GALNTL6: variants seen among roughly 807,000 people sequenced by gnomAD.
The protein encoded by GALNTL6 is polypeptide N-acetylgalactosaminyltransferase like 6, also known as polypeptide N-acetylgalactosaminyltransferase-like 6.
Under a neutral mutation model 73.7 loss-of-function variants are expected in GALNTL6, and 46 were observed. The ratio of observed to expected loss-of-function variants is 0.62; its 90% CI spans 0.49 to 0.80. The LOEUF (loss-of-function observed/expected upper bound fraction) is 0.80, where lower values mean the gene tolerates loss of function less well. GALNTL6 is among the 30% of genes least tolerant of loss of function. The pLI is 0.00. For synonymous variants in GALNTL6, 259 were observed against 263.7 expected (o/e 0.98, Z 0.17); for missense variants, 604 against 755.0 (o/e 0.80, Z 2.34).
intron 5 of GALNTL6, among the ~76,000 whole-genome samples, chr4:172,570,147 A>G (rs1258213848): frequency 6.6e-6 from 1 of 152,160 alleles, no homozygotes; most frequent in African/African-American, 2.4e-5. Context: ...ATCTTGGACA[A>G]GCTCCATGTT....
chr4:172,613,008 A>G lies in GALNTL6; in HGVS notation c.554-196353A>G, dbSNP rs550071721. Among the ~76,000 whole-genome samples the G allele has an allele frequency of 1.8e-4, 27 of 152,176 alleles. 1 individual carries two copies. In the South Asian group the frequency reaches 5.6e-3, roughly 32 times the overall value. ...TTACCCCTCTCCCTGCAGTCACTGA[A>G]TGTGCTCCAACCCTACCTAGAATAC... On this transcript the variant is annotated intron_variant, in intron 5 of 12. Transcript: ENST00000506823.
At chr4:171,832,619 AAT>A (rs1416844861) in intron 2 of GALNTL6, among the ~76,000 whole-genome samples, 2 of 151,718 alleles carry the variant, frequency 1.3e-5, no homozygotes, top group African/African-American at 4.8e-5. Flanking sequence ...TATAAAATAA[AAT>A]AAACTTATCA....
chr4:171,913,168 A>C (rs900263798), intron 2 of GALNTL6, among the ~76,000 whole-genome samples: 25 of 152,208 alleles, frequency 1.6e-4, no homozygotes, highest in African/African-American at 5.5e-4. Context: ...GAAGTAAAGT[A>C]GCTGTTGGGG....
intron 2 of GALNTL6, among the ~76,000 whole-genome samples, chr4:172,099,782 G>A (rs1370153135): frequency 1.3e-5 from 2 of 152,088 alleles, no homozygotes; most frequent in African/African-American, 4.8e-5. Flanking sequence ...CAGTTACGTT[G>A]GTTAGAACAC....
chr4:172,260,206 A>G (rs1738211261), intron 3 of GALNTL6, among the ~76,000 whole-genome samples: 1 of 151,800 alleles, frequency 6.6e-6, no homozygotes. Context: ...TTTTCACAAT[A>G]TTGATTCTAT....
intron 5 of GALNTL6, among the ~76,000 whole-genome samples, chr4:172,673,462 AG>A (rs992237658): frequency 8.5e-5 from 13 of 152,124 alleles, no homozygotes; most frequent in Non-Finnish European, 1.3e-4. Flanking sequence ...GGGGGGATGG[AG>A]AGTTCTGTAG....
At chr4:172,868,755 T>C (rs2111157810) in intron 7 of GALNTL6, among the ~76,000 whole-genome samples, 1 of 152,344 alleles carries the variant, frequency 6.6e-6, no homozygotes, top group Admixed American at 6.5e-5. Flanking sequence ...CTGTACTTCA[T>C]CACTGGTCTA....
chr4:172,770,265 C>CAATAAATAAATAAATAAATA (rs146415769), intron 5 of GALNTL6, among the ~76,000 whole-genome samples: 5 of 141,292 alleles, frequency 3.5e-5, no homozygotes, highest in East Asian at 2.1e-4. Context: ...GACTCCATCT[C>CAATAAATAAATAAATAAATA]AATAAATAAA....
chr4:172,610,701 C>T (rs1738493774), intron 5 of GALNTL6, among the ~76,000 whole-genome samples: 1 of 151,964 alleles, frequency 6.6e-6, no homozygotes, highest in South Asian at 2.1e-4. Flanking sequence ...TCTGTCAGGT[C>T]CATTTGGTCA....
intron 5 of GALNTL6, among the ~76,000 whole-genome samples, chr4:172,621,993 T>C (rs547242449): frequency 1.3e-5 from 2 of 152,234 alleles, no homozygotes; most frequent in East Asian, 3.9e-4. Context: ...CACTCCTCCA[T>C]ATGCTGCCCA....
At chr4:172,083,346 C>T (rs1731936891) in intron 2 of GALNTL6, among the ~76,000 whole-genome samples, 1 of 152,130 alleles carries the variant, frequency 6.6e-6, no homozygotes, top group Non-Finnish European at 1.5e-5. Flanking sequence ...CAAAACACTC[C>T]ATTTAAACAT....
chr4:171,881,004 G>A lies in GALNTL6; in HGVS notation c.138+66286G>A, dbSNP rs1023650981. On this transcript the variant is annotated intron_variant, in intron 2 of 12. Coordinates refer to ENST00000506823, the MANE Select transcript of GALNTL6 (RefSeq NM_001034845.3). ...AACAAGCCAAAGCAGTTCTGTGTGT[G>A]TACAAAATGGCTCCCACCGAGTATG... Among the ~76,000 whole-genome samples, 5 of 151,468 alleles carry A rather than the reference G, an allele frequency of 3.3e-5. No individual in the cohort carries two copies. The East Asian group carries it at 7.8e-4, about 24-fold the overall frequency.
At chr4:172,223,026 T>A (rs1344829599) in intron 2 of GALNTL6, among the ~76,000 whole-genome samples, 1 of 152,000 alleles carries the variant, frequency 6.6e-6, no homozygotes, top group Non-Finnish European at 1.5e-5. Flanking sequence ...AACACCCATT[T>A]CCAGATTCTA....
chr4:172,526,158 G>A (rs558045533), intron 5 of GALNTL6, among the ~76,000 whole-genome samples: 1 of 152,236 alleles, frequency 6.6e-6, no homozygotes, highest in East Asian at 1.9e-4. Context: ...TAAATGAATA[G>A]CAAATGTCCA....
chr4:172,993,861 G>A (rs1427091745), intron 10 of GALNTL6, among the ~76,000 whole-genome samples: 1 of 152,190 alleles, frequency 6.6e-6, no homozygotes, highest in Non-Finnish European at 1.5e-5. Context: ...GGCGGAGGTT[G>A]CAGTGAGCCG....
intron 12 of GALNTL6, among the ~76,000 whole-genome samples, chr4:173,035,976 A>G (rs1431484412): frequency 6.6e-6 from 1 of 152,218 alleles, no homozygotes; most frequent in Non-Finnish European, 1.5e-5. Context: ...ATTTACTTAT[A>G]GGCAGGACAC....
intron 7 of GALNTL6, among the ~76,000 whole-genome samples, chr4:172,861,239 CAGT>C (rs892767740): frequency 3.9e-5 from 6 of 151,900 alleles, no homozygotes; most frequent in African/African-American, 1.4e-4. Context: ...TTTGTTTCAT[CAGT>C]AGGTTATGCC....
In GALNTL6 at chr4:171,955,229, G is replaced by T. The variant is rs1579003920; in HGVS notation, c.138+140511G>T. On this transcript the variant is annotated intron_variant, in intron 2 of 12. Coordinates refer to ENST00000506823, the MANE Select transcript of GALNTL6 (RefSeq NM_001034845.3). ...AAAAACAAAAATAAAGCATACAAAA[G>T]AAACTTTCTTTGGTCTCTAATTCCA... Among the ~76,000 whole-genome samples the T allele has an allele frequency of 2.0e-5, 3 of 152,004 alleles. No homozygotes were observed. In the East Asian group the frequency reaches 5.8e-4, roughly 29 times the overall value.
intron 10 of GALNTL6, among the ~76,000 whole-genome samples, chr4:172,972,487 A>G (rs1750626319): frequency 1.3e-5 from 2 of 152,242 alleles, no homozygotes; most frequent in Admixed American, 1.3e-4. Context: ...AACATCAGCT[A>G]CTTTCGGAAA....
Sources: gnomAD v4.1 joint callset for allele counts (sites outside exome capture counted in the v4.1 genomes callset) on GRCh38, gnomAD v4.1.1 for gene constraint, MANE v1.5 for transcripts, NCBI Gene and HGNC (gene_info 2026-07-23, HGNC 2026-07-21) for gene names.